Variants in CFAP44 observed in about 807,000 individuals in gnomAD.
The protein encoded by CFAP44 is cilia and flagella associated protein 44, also known as cilia- and flagella-associated protein 44.
A neutral mutation model predicts 216.2 loss-of-function variants in CFAP44; 134 were observed. The observed-to-expected ratio is 0.62, with a 90% CI of 0.54 to 0.72. CFAP44 has a LOEUF of 0.72. Ranked by LOEUF, CFAP44 falls within the 30% of genes least tolerant of loss-of-function variation. The pLI, the probability that CFAP44 is intolerant of heterozygous loss-of-function variation, is 0.00. For synonymous variants in CFAP44, 700 were observed against 727.6 expected (o/e 0.96, Z 0.61); for missense variants, 2,035 against 2,182.1 (o/e 0.93, Z 1.34).
intron 22 of CFAP44, among the ~76,000 whole-genome samples, chr3:113,352,635 C>G (rs761838378): frequency 6.6e-6 from 1 of 152,024 alleles, no homozygotes; most frequent in African/African-American, 2.4e-5. Context: ...AGGCAAATAT[C>G]TGTAATATAG....
In CFAP44 at chr3:113,441,464, A is replaced by AC. The variant is rs1935362374; in HGVS notation, c.-18dup. ...AGGTCCAAACTCACCGAAGGTACTG[A>AC]CCGCCGCGGCTCCTCTCTTCACAGC... On this transcript the variant is annotated 5_prime_UTR_variant, in exon 1 of 35. Coordinates refer to ENST00000393845, the MANE Select transcript of CFAP44 (RefSeq NM_001164496.2). The AC allele has an allele frequency of 2.0e-6, 2 of 984,436 alleles. No homozygotes were observed. Among genetic ancestry groups the AC allele is most frequent in the Non-Finnish European group, 2.4e-6 (2 of 829,982 alleles). The allele number at this position is 984,436 out of a possible 1,614,324, so 61.0% of individuals were successfully genotyped here.
In CFAP44 at chr3:113,291,606, G is replaced by A. The variant is rs369571239; in HGVS notation, c.5516C>T (p.Pro1839Leu). ...LLRRKGSLIL[P>L]PIQSPREKEI... Reference sequence around the variant, plus strand: ...TTTCTCTCGTGGAGACTGAATGGGTGGGAGGATAAGACTGCCTTTCCTACG... The same window carrying A: ...TTTCTCTCGTGGAGACTGAATGGGTAGGAGGATAAGACTGCCTTTCCTACG... The change falls in exon 35 of 35, where the codon CCA becomes CTA. Residue 1839 changes from proline (P) to leucine (L), a missense_variant. Coordinates refer to ENST00000393845, the MANE Select transcript of CFAP44 (RefSeq NM_001164496.2). 86 of 1,537,126 alleles carry A rather than the reference G, an allele frequency of 5.6e-5. No homozygotes were observed. Among genetic ancestry groups the A allele is most frequent in the Non-Finnish European group, 7.1e-5 (82 of 1,146,930 alleles).
At chr3:113,295,044 A>C (rs995013435) in intron 33 of CFAP44, among the ~76,000 whole-genome samples, 22 of 152,236 alleles carry the variant, frequency 1.4e-4, no homozygotes, top group Non-Finnish European at 2.5e-4. Flanking sequence ...GGTAGAAATA[A>C]GATAGATGTG....
chr3:113,434,019 C>T (rs1338516781), intron 1 of CFAP44: 1 of 192,544 alleles, frequency 5.2e-6, no homozygotes, highest in Non-Finnish European at 1.1e-5. Flanking sequence ...CCCTCTTTCT[C>T]TATTTTCAAA....
At chr3:113,380,271 T>A (rs1413908338) in intron 16 of CFAP44, among the ~76,000 whole-genome samples, 1 of 152,142 alleles carries the variant, frequency 6.6e-6, no homozygotes, top group Non-Finnish European at 1.5e-5. Context: ...AGGAGCTCCA[T>A]GCATTGGTCA....
At chr3:113,415,598 T>C (rs1476175727) in intron 6 of CFAP44, among the ~76,000 whole-genome samples, 1 of 152,218 alleles carries the variant, frequency 6.6e-6, no homozygotes, top group Admixed American at 6.5e-5. Context: ...ACTTCTTGAT[T>C]TCTGCCTTAA....
At chr3:113,358,328 A>G (rs1950509745) in intron 22 of CFAP44, among the ~76,000 whole-genome samples, 1 of 151,958 alleles carries the variant, frequency 6.6e-6, no homozygotes, top group South Asian at 2.1e-4. Flanking sequence ...GTAAATGGCA[A>G]AAAAAAACAT....
chr3:113,293,845 C>T, intron 34 of CFAP44: 1 of 335,954 alleles, frequency 3.0e-6, no homozygotes, highest in Admixed American at 4.0e-5. Context: ...GATTCTTAAA[C>T]TCTAGTGTGC....
Position 113,294,829 on chromosome 3 carries a change from G to C in CFAP44, c.5239-8C>G. On this transcript the variant is annotated splice_polypyrimidine_tract_variant and splice_region_variant and intron_variant, in intron 33 of 34. Coordinates refer to ENST00000393845, the MANE Select transcript of CFAP44 (RefSeq NM_001164496.2). The stretch of plus-strand genomic sequence containing the variant: ...CATTTGAGCAATCTTTTCCTACCAG[G>C]GTGGGAAGATGCAAAATAGATGTAG... 1 of 1,520,898 alleles carries C rather than the reference G, an allele frequency of 6.6e-7. No individual in the cohort carries two copies. Among genetic ancestry groups the C allele is most frequent in the South Asian group, 1.3e-5 (1 of 79,734 alleles). 94.2% of individuals were successfully genotyped at this position (1,520,898 alleles called of 1,614,324 possible). A position where few individuals can be genotyped will look rare whatever the true frequency, so the allele number is the denominator to read the frequency against.
chr3:113,325,593 T>C (rs1261342417), intron 28 of CFAP44, among the ~76,000 whole-genome samples: 1 of 151,984 alleles, frequency 6.6e-6, no homozygotes, highest in Non-Finnish European at 1.5e-5. Flanking sequence ...TACGGCATAT[T>C]GTGCTTTCCA....
chr3:113,344,953 C>T (rs1950366874), intron 22 of CFAP44, among the ~76,000 whole-genome samples: 1 of 151,186 alleles, frequency 6.6e-6, no homozygotes, highest in African/African-American at 2.4e-5. Context: ...CACTATAATA[C>T]CAGTGTTTTC....
rs1950560597 is a variant in CFAP44, at chr3:113,363,462, C to A, written c.2771+15G>T. Reference sequence around the variant, plus strand: ...AATCTCAGGCCTAGTCAGTATTTATCAAAAATTCCCATACCTGTAGGCTTT... The same window carrying A: ...AATCTCAGGCCTAGTCAGTATTTATAAAAAATTCCCATACCTGTAGGCTTT... On this transcript the variant is annotated intron_variant, in intron 20 of 34. Coordinates refer to ENST00000393845, the MANE Select transcript of CFAP44 (RefSeq NM_001164496.2). The A allele has an allele frequency of 6.2e-7, 1 of 1,605,712 alleles. No individual in the cohort carries two copies. The highest frequency in any genetic ancestry group is 8.5e-7 in the Non-Finnish European group (1 of 1,177,018).
Position 113,330,551 on chromosome 3 carries a change from G to C in CFAP44, c.3733C>G (p.Leu1245Val), listed in dbSNP as rs191722617. 173 of 1,537,204 alleles carry C rather than the reference G, an allele frequency of 1.1e-4. No individual in the cohort carries two copies. The African/African-American group carries it at 2.2e-3, about 20-fold the overall frequency. The change falls in exon 26 of 35, where the codon CTT becomes GTT. Residue 1245 changes from leucine to valine, a missense_variant. Around this residue, in one of 3 missense-constraint regions of CFAP44, gnomAD observed 1,883 missense variants for 2,023.7 expected, o/e 0.93. Coordinates refer to ENST00000393845, the MANE Select transcript of CFAP44 (RefSeq NM_001164496.2). ...ATGGGTATGTGCTTGGATATGTGAA[G>C]AGTCGACTGAATGTTCTTCAGTTCT... ...VQELKNIQST[L>V]HISKHIPIPK...
In CFAP44 at chr3:113,294,711, C is replaced by T; in HGVS notation, c.5349G>A (p.Arg1783=). ...CCTGCTGATTCTGTAGTGTATTCAACCGAGAATCAAGTTTCTTCTTTTCAA... is the reference window on the plus strand; with the variant it reads ...CCTGCTGATTCTGTAGTGTATTCAATCGAGAATCAAGTTTCTTCTTTTCAA... The part of the protein sequence containing the change: ...LCIEKKKLDS[R]LNTLQNQQGN... The change falls in exon 34 of 35, where the codon CGG becomes CGA. Residue 1783 remains arginine (R), a synonymous_variant. Coordinates refer to ENST00000393845, the MANE Select transcript of CFAP44 (RefSeq NM_001164496.2). 2.0e-6 allele frequency: 3 copies of T among 1,535,496 alleles called. No homozygotes were observed. The highest frequency in any genetic ancestry group is 2.6e-6 in the Non-Finnish European group (3 of 1,146,346).
At chr3:113,316,729 T>C (rs898991310) in intron 28 of CFAP44, among the ~76,000 whole-genome samples, 16 of 151,476 alleles carry the variant, frequency 1.1e-4, no homozygotes, top group Non-Finnish European at 2.4e-4. Flanking sequence ...ATTAGCTGGG[T>C]GTGGTGGTGG....
At chr3:113,355,800 T>G (rs1478803256) in intron 22 of CFAP44, among the ~76,000 whole-genome samples, 1 of 151,094 alleles carries the variant, frequency 6.6e-6, no homozygotes, top group East Asian at 1.9e-4. Context: ...AAAATTTAAG[T>G]ATATACAGAA....
chr3:113,428,438 T>C (rs963865396), intron 2 of CFAP44, among the ~76,000 whole-genome samples: 6 of 152,168 alleles, frequency 3.9e-5, no homozygotes, highest in African/African-American at 1.4e-4. Context: ...GAAAACTAAT[T>C]TGGCAGGAAG....
chr3:113,317,797 A>G (rs1050824556), intron 28 of CFAP44, among the ~76,000 whole-genome samples: 2 of 152,180 alleles, frequency 1.3e-5, no homozygotes, highest in Non-Finnish European at 1.5e-5. Context: ...CCAGTCCAGA[A>G]AAGATGTTGC....
In CFAP44 at chr3:113,381,065, A is replaced by G; in HGVS notation, c.1891-5T>C. The G allele has an allele frequency of 6.5e-7, 1 of 1,546,574 alleles. No individual in the cohort carries two copies. The highest frequency in any genetic ancestry group is 8.7e-7 in the Non-Finnish European group (1 of 1,152,924). On this transcript the variant is annotated splice_polypyrimidine_tract_variant and splice_region_variant and intron_variant, in intron 15 of 34. Transcript: ENST00000393845. ...AATTAGTAAAGTACTTTCAGGCTAA[A>G]AAAGAAAAATTGAACATATTTACAT...
Sources: allele counts gnomAD v4.1 joint callset (sites outside exome capture counted in the v4.1 genomes callset), GRCh38; gene constraint gnomAD v4.1.1; regional missense constraint gnomAD v4.1.1; transcripts MANE v1.5; gene names NCBI Gene and HGNC (gene_info 2026-07-23, HGNC 2026-07-21).